OPRM1: variants seen among roughly 807,000 people sequenced by gnomAD.
OPRM1 encodes opioid receptor mu 1.
In OPRM1, 27 loss-of-function variants were observed where a neutral mutation model predicts 31.8. That is an observed-to-expected ratio of 0.85 (90% CI 0.63 to 1.17). The LOEUF (loss-of-function observed/expected upper bound fraction) is 1.17, where lower values mean the gene tolerates loss of function less well. Ranked by LOEUF, OPRM1 falls within the 50% of genes most tolerant of loss-of-function variation. The pLI is 0.00. For synonymous variants in OPRM1, 196 were observed against 189.9 expected (o/e 1.03, Z -0.26); for missense variants, 536 against 511.1 (o/e 1.05, Z -0.47).
At chr6:154,174,337 G>A (rs1800120981) in intron 3 of OPRM1, among the ~76,000 whole-genome samples, 1 of 152,288 alleles carries the variant, frequency 6.6e-6, no homozygotes, top group East Asian at 1.9e-4. Context: ...AACCTTAAAT[G>A]TAAATGGGCT....
At chr6:154,161,181 G>A (rs1798984591) in intron 3 of OPRM1, among the ~76,000 whole-genome samples, 1 of 151,200 alleles carries the variant, frequency 6.6e-6, no homozygotes, top group Non-Finnish European at 1.5e-5. Context: ...ACACTTTCCA[G>A]TCTTTCTTTA....
chr6:154,075,221 C>T (rs1562431309), intron 1 of OPRM1, among the ~76,000 whole-genome samples: 3 of 152,124 alleles, frequency 2.0e-5, no homozygotes, highest in Admixed American at 2.0e-4. Flanking sequence ...TTAAGCCAAA[C>T]TAGCTCTCTT....
chr6:154,022,477 T>C (rs1040238853), intron 1 of OPRM1, among the ~76,000 whole-genome samples: 1 of 127,482 alleles, frequency 7.8e-6, no homozygotes, highest in Non-Finnish European at 1.6e-5. Flanking sequence ...ATGAGTAGTT[T>C]GCAAATATTT....
rs74593322 is a variant in OPRM1, at chr6:154,129,129, C to A, written c.*10408C>A. 0.01 allele frequency among the ~76,000 whole-genome samples: 1,580 copies of A among 152,250 alleles called. 35 individuals are homozygous for A. Among genetic ancestry groups the A allele is most frequent in the African/African-American group, 0.035 (1,451 of 41,538 alleles). On this transcript the variant is annotated 3_prime_UTR_variant, in exon 4 of 4. Coordinates refer to ENST00000330432, the MANE Select transcript of OPRM1 (RefSeq NM_000914.5). ...TCAAAATCCAAGCTCCCTGAGTACA[C>A]AATTTCTGTCCCTTTTAAGGGCTCA... is the stretch of plus-strand genomic sequence containing the variant.
chr6:154,150,395 T>C (rs1204038120), intron 3 of OPRM1, among the ~76,000 whole-genome samples: 2 of 152,238 alleles, frequency 1.3e-5, no homozygotes, highest in African/African-American at 4.8e-5. Context: ...CTGCAGTTAT[T>C]TGATGTATAA....
At chr6:154,228,067 T>C (rs1779406996) in intron 3 of OPRM1, among the ~76,000 whole-genome samples, 2 of 152,132 alleles carry the variant, frequency 1.3e-5, no homozygotes, top group African/African-American at 4.8e-5. Flanking sequence ...TCCTCCTCCT[T>C]TTCCTCCTCC....
intron 1 of OPRM1, among the ~76,000 whole-genome samples, chr6:154,011,223 G>A (rs532534649): frequency 6.6e-6 from 1 of 152,242 alleles, no homozygotes; most frequent in Admixed American, 6.5e-5. Context: ...GTGTGTGTGT[G>A]CATGTCTGTG....
intron 3 of OPRM1, among the ~76,000 whole-genome samples, chr6:154,152,013 A>G (rs1381807110): frequency 3.3e-5 from 5 of 151,830 alleles, no homozygotes; most frequent in Non-Finnish European, 7.4e-5. Context: ...TGTCTCTACT[A>G]AAAATACAGA....
chr6:154,115,899 A>G (rs1432803397), intron 3 of OPRM1, among the ~76,000 whole-genome samples: 2 of 152,198 alleles, frequency 1.3e-5, no homozygotes, highest in South Asian at 4.1e-4. Flanking sequence ...CGATCATCCG[A>G]TCATTCCCTT....
rs766126257 is a variant in OPRM1 at position 154,129,103 on chromosome 6, C to T, written c.*10382C>T. ...GCTGGGAGCATCGACCAGCTACTGT[C>T]TCAAAATCCAAGCTCCCTGAGTACA... On this transcript the variant is annotated 3_prime_UTR_variant, in exon 4 of 4. Coordinates refer to ENST00000330432, the MANE Select transcript of OPRM1 (RefSeq NM_000914.5). 6.6e-6 allele frequency among the ~76,000 whole-genome samples: 1 copy of T among 152,156 alleles called. No homozygotes were observed. The highest frequency in any genetic ancestry group is 2.1e-4 in the South Asian group (1 of 4,820).
rs58062361 is a variant in OPRM1 at position 154,141,070 on chromosome 6, C to T, written c.1164+49598C>T. 2.6e-5 allele frequency among the ~76,000 whole-genome samples: 4 copies of T among 152,344 alleles called. No individual in the cohort carries two copies. The East Asian group carries it at 5.8e-4, about 22-fold the overall frequency. ...TCTCATGGTTAAGATTTGTCACTCTCAAACTAGAATCAGATCCACCCCTGA... is the reference window on the plus strand; with the variant it reads ...TCTCATGGTTAAGATTTGTCACTCTTAAACTAGAATCAGATCCACCCCTGA... On this transcript the variant is annotated intron_variant, in intron 3 of 3. Transcript: ENST00000337049.
rs1306025459 is a variant in OPRM1 at position 154,121,752 on chromosome 6, T to TACAAAGAAA, written c.*3035_*3043dup. ...AGAAACATAGATATGAAATGTAAGA[T>TACAAAGAAA]ACAAAGAAAACACCTCTGCAAAGAT... On this transcript the variant is annotated 3_prime_UTR_variant, in exon 4 of 4. Transcript: ENST00000330432. Among the ~76,000 whole-genome samples the TACAAAGAAA allele has an allele frequency of 6.6e-6, 1 of 152,218 alleles. No individual in the cohort carries two copies. The highest frequency in any genetic ancestry group is 2.1e-4 in the South Asian group (1 of 4,828).
At chr6:154,228,829 A>C (rs1779475644) in intron 3 of OPRM1, among the ~76,000 whole-genome samples, 2 of 152,234 alleles carry the variant, frequency 1.3e-5, no homozygotes, top group South Asian at 4.1e-4. Flanking sequence ...TCAAGGCTGC[A>C]GTGAGCTGAG....
At chr6:154,143,950 G>A (rs1473871115) in intron 3 of OPRM1, among the ~76,000 whole-genome samples, 2 of 152,184 alleles carry the variant, frequency 1.3e-5, no homozygotes, top group Non-Finnish European at 2.9e-5. Flanking sequence ...AAGAGAGAGA[G>A]AAAGGACACA....
intron 1 of OPRM1, among the ~76,000 whole-genome samples, chr6:154,054,367 CAAAAAAAAAAAAAAA>C: frequency 1.9e-5 from 1 of 53,040 alleles, no homozygotes; most frequent in South Asian, 7.7e-4. Flanking sequence ...GACTCCGTCT[CAAAAAAAAAAAAAAA>C]AAAAAAAAGG....
At chr6:154,159,547 T>TC (rs1266611285) in intron 3 of OPRM1, 3 of 424,616 alleles carry the variant, frequency 7.1e-6, no homozygotes, top group African/African-American at 2.1e-5. Flanking sequence ...ATTTCTCACA[T>TC]CCCCCCTAGA....
chr6:154,111,856 C>T (rs767589492), intron 3 of OPRM1, among the ~76,000 whole-genome samples: 1 of 152,088 alleles, frequency 6.6e-6, no homozygotes, highest in Non-Finnish European at 1.5e-5. Context: ...AGCTCCGCCT[C>T]CCGAGTTCAT....
At chr6:154,092,550 A>C (rs1001233472) in intron 3 of OPRM1, among the ~76,000 whole-genome samples, 2 of 152,196 alleles carry the variant, frequency 1.3e-5, no homozygotes, top group African/African-American at 4.8e-5. Flanking sequence ...GGAGAAATGA[A>C]TAGCAAGTCA....
Position 154,124,266 on chromosome 6 carries a change from A to G in OPRM1, c.*5545A>G, listed in dbSNP as rs983310857. Among the ~76,000 whole-genome samples the G allele has an allele frequency of 6.6e-6, 1 of 152,236 alleles. No homozygotes were observed. Among genetic ancestry groups the G allele is most frequent in the African/African-American group, 2.4e-5 (1 of 41,466 alleles). On this transcript the variant is annotated 3_prime_UTR_variant, in exon 4 of 4. Coordinates refer to ENST00000330432, the MANE Select transcript of OPRM1 (RefSeq NM_000914.5). ...TGAAAGCATCTTCTGACTCAAATAT[A>G]TGAAAAGATTATTCTAGACCTTAGG...
Sources: allele counts gnomAD v4.1 joint callset (sites outside exome capture counted in the v4.1 genomes callset), GRCh38; gene constraint gnomAD v4.1.1; transcripts MANE v1.5; gene names NCBI Gene and HGNC (gene_info 2026-07-23, HGNC 2026-07-21).